Variants in SLC44A5 observed in about 807,000 individuals in gnomAD.
SLC44A5 encodes the protein solute carrier family 44 member 5.
SLC44A5 carries 57 observed loss-of-function variants against 101.8 expected under a neutral mutation model. The observed-to-expected ratio is 0.56, with a 90% CI of 0.45 to 0.70. The LOEUF is 0.70. SLC44A5 is among the 30% of genes least tolerant of loss of function. The pLI is 0.00. For synonymous variants in SLC44A5, 281 were observed against 290.9 expected, an observed-to-expected ratio of 0.97 and a Z score of 0.35; for missense variants, 737 against 853.1, an observed-to-expected ratio of 0.86 and a Z score of 1.70.
Position 75,219,300 on chromosome 1 carries a change from G to C in SLC44A5, c.1223C>G (p.Pro408Arg). The change falls in exon 16 of 24, where the codon CCA becomes CGA. Residue 408 changes from proline to arginine, a missense_variant. Physicochemically the swap from Pro to Arg is moderately radical, Grantham distance 103. Transcript: ENST00000370859. The stretch of plus-strand genomic sequence containing the variant: ...ATTTTCATGTATACAATGCCCCCCT[G>C]GAGCTATGACTTTGTATACAGGTAC... ...SGVPVYKVIA[P>R]GGHCIHENQT... 1 of 1,613,324 alleles carries C rather than the reference G, an allele frequency of 6.2e-7. No individual in the cohort carries two copies. Among genetic ancestry groups the C allele is most frequent in the East Asian group, 2.2e-5 (1 of 44,802 alleles).
rs74096638 is a variant in SLC44A5 at position 75,319,730 on chromosome 1, G to C, written c.102-19045C>G. The stretch of plus-strand genomic sequence containing the variant: ...AAGGGTTATAGTTTGGATTGTCTTA[G>C]CATGGATCACAGGGAATAGAATGTA... On this transcript the variant is annotated intron_variant, in intron 4 of 23. Transcript: ENST00000370859. Among the ~76,000 whole-genome samples the C allele has an allele frequency of 9.0e-3, 1,365 of 152,212 alleles. 22 individuals carry two copies. The highest frequency in any genetic ancestry group is 0.031 in the African/African-American group (1,287 of 41,542).
chr1:75,717,480 A>G, the SLC44A5 span, among the ~76,000 whole-genome samples: 1 of 152,190 alleles, frequency 6.6e-6, no homozygotes, highest in Non-Finnish European at 1.5e-5. Flanking sequence ...GGGTAGGAAG[A>G]GGGAGATCAA....
At position 75,541,459 on chromosome 1, in the gene SLC44A5, G is replaced by C; in HGVS notation, c.-12C>G. ...CCTGTGTCATTCATTGAGATAAAAG[G>C]CTGTCTCTTCAGAAGTAGGCCTGAA... On this transcript the variant is annotated 5_prime_UTR_variant, in exon 2 of 24. Transcript: ENST00000370859. 1 of 1,611,522 alleles carries C rather than the reference G, an allele frequency of 6.2e-7. No homozygotes were observed. The highest frequency in any genetic ancestry group is 1.7e-5 in the Admixed American group (1 of 59,992).
At chr1:75,294,855 C>T (rs1235909171) in intron 5 of SLC44A5, among the ~76,000 whole-genome samples, 7 of 151,960 alleles carry the variant, frequency 4.6e-5, no homozygotes, top group African/African-American at 7.2e-5. Flanking sequence ...GAGAGCAGAA[C>T]GGTAGGTGCC....
At chr1:75,233,889 T>C in intron 12 of SLC44A5, 97 bp downstream of exon 12, 1 of 864,348 alleles carries the variant, frequency 1.2e-6, no homozygotes, top group Non-Finnish European at 1.8e-6. Context: ...AATAATTAGA[T>C]CCACTGAAAA....
chr1:75,255,719 A>G (rs964039746), intron 6 of SLC44A5, among the ~76,000 whole-genome samples: 3 of 152,160 alleles, frequency 2.0e-5, no homozygotes, highest in Non-Finnish European at 4.4e-5. Context: ...GGCCTCTATC[A>G]AATTGTGAGA....
intron 2 of SLC44A5, among the ~76,000 whole-genome samples, chr1:75,443,169 G>T (rs1399530299): frequency 1.3e-5 from 2 of 152,044 alleles, no homozygotes; most frequent in African/African-American, 4.8e-5. Flanking sequence ...AGCTAAACCT[G>T]TAGCCTTACA....
the SLC44A5 span, chr1:75,723,874 G>T: frequency 6.6e-6 from 1 of 152,186 alleles, no homozygotes; most frequent in Non-Finnish European, 1.5e-5. Flanking sequence ...TAAATTAGAT[G>T]AATTTATGGG....
At chr1:75,252,388 T>C (rs1649652149) in intron 6 of SLC44A5, among the ~76,000 whole-genome samples, 1 of 152,200 alleles carries the variant, frequency 6.6e-6, no homozygotes, top group Non-Finnish European at 1.5e-5. Context: ...AAGAAAGTCT[T>C]CCACAAGAAA....
chr1:75,698,889 A>G, the SLC44A5 span, among the ~76,000 whole-genome samples: 11 of 152,238 alleles, frequency 7.2e-5, no homozygotes, highest in Admixed American at 1.3e-4. Flanking sequence ...TATCAACTGG[A>G]AGACAGGGTA....
At chr1:75,508,052 A>G (rs774787775) in intron 2 of SLC44A5, among the ~76,000 whole-genome samples, 6 of 151,620 alleles carry the variant, frequency 4.0e-5, no homozygotes, top group Non-Finnish European at 8.8e-5. Flanking sequence ...CCATCCATCA[A>G]CCATGGAATA....
intron 22 of SLC44A5, among the ~76,000 whole-genome samples, chr1:75,212,099 T>A (rs376205035): frequency 2.3e-4 from 35 of 152,252 alleles, no homozygotes; most frequent in African/African-American, 6.0e-4. Context: ...AGCAAAGAGA[T>A]TTTGCCAATG....
intron 5 of SLC44A5, among the ~76,000 whole-genome samples, chr1:75,276,491 A>G (rs1417979688): frequency 6.6e-6 from 1 of 152,104 alleles, no homozygotes; most frequent in African/African-American, 2.4e-5. Context: ...TGAGCACCCG[A>G]AGCATTTAGA....
intron 2 of SLC44A5, among the ~76,000 whole-genome samples, chr1:75,461,820 G>A (rs980971073): frequency 1.1e-4 from 16 of 152,162 alleles, no homozygotes; most frequent in African/African-American, 3.9e-4. Flanking sequence ...TGGTGGGTAT[G>A]GGATAAGACT....
chr1:75,231,804 T>C (rs1647596881), intron 12 of SLC44A5, among the ~76,000 whole-genome samples: 1 of 152,146 alleles, frequency 6.6e-6, no homozygotes, highest in Non-Finnish European at 1.5e-5. Context: ...AAATAGATGC[T>C]CATAAACCAA....
At chr1:75,534,550 G>C (rs1311922007) in intron 2 of SLC44A5, among the ~76,000 whole-genome samples, 1 of 152,204 alleles carries the variant, frequency 6.6e-6, no homozygotes, top group Non-Finnish European at 1.5e-5. Flanking sequence ...GACAGGGTTG[G>C]TTAGCCTGTT....
the SLC44A5 span, chr1:75,641,389 T>G: frequency 6.4e-5 from 59 of 925,944 alleles, no homozygotes; most frequent in Non-Finnish European, 9.4e-5. Flanking sequence ...CATGTGTATA[T>G]GAGCTTGATT....
chr1:75,379,099 C>G (rs1660801092), intron 3 of SLC44A5, among the ~76,000 whole-genome samples: 1 of 77,664 alleles, frequency 1.3e-5, no homozygotes, highest in Admixed American at 1.2e-4. Context: ...GAGAGCCTCC[C>G]ACAGTTGAGG....
chr1:75,241,873 A>C, intron 9 of SLC44A5, 128 bp downstream of exon 9: 1 of 699,236 alleles, frequency 1.4e-6, no homozygotes, highest in South Asian at 2.1e-5. Flanking sequence ...CTGCTAATCA[A>C]CTCTGGGACT....
Sources: allele counts gnomAD v4.1 joint callset (sites outside exome capture counted in the v4.1 genomes callset), GRCh38; gene constraint gnomAD v4.1.1; transcripts MANE v1.5; gene names NCBI Gene and HGNC (gene_info 2026-07-23, HGNC 2026-07-21).